Variants in FRMD6 observed in about 807,000 individuals in gnomAD.
FRMD6 encodes the protein FERM domain-containing protein 6.
FRMD6 carries 37 observed loss-of-function variants against 73.2 expected under a neutral mutation model. The observed-to-expected ratio is 0.51, with a 90% CI of 0.39 to 0.66. The LOEUF (loss-of-function observed/expected upper bound fraction) is 0.66. Among genes scored for constraint, FRMD6 ranks in the 30% least tolerant of loss-of-function variants. The probability of loss-of-function intolerance (pLI) is 0.00; values close to 1 mark genes in which losing one functional copy is unlikely to be tolerated. For missense variants in FRMD6, 714 were observed against 780.5 expected, an observed-to-expected ratio of 0.91 and a Z score of 1.02; for synonymous variants, 273 against 282.2, an observed-to-expected ratio of 0.97 and a Z score of 0.33.
chr14:51,606,719 C>A (rs555965830), intron 2 of FRMD6, among the ~76,000 whole-genome samples: 288 of 152,210 alleles, frequency 1.9e-3, no homozygotes, highest in African/African-American at 6.6e-3. Context: ...GGAATTGGCT[C>A]ATGCAAATGG....
intron 1 of FRMD6, among the ~76,000 whole-genome samples, chr14:51,671,901 T>G (rs577908340): frequency 6.6e-6 from 1 of 152,324 alleles, no homozygotes; most frequent in South Asian, 2.1e-4. Flanking sequence ...GGAATCTCAG[T>G]TAATTCAGCT....
At chr14:51,498,825 G>A (rs754498518) in intron 1 of FRMD6, among the ~76,000 whole-genome samples, 17 of 152,084 alleles carry the variant, frequency 1.1e-4, no homozygotes, top group Non-Finnish European at 2.2e-4. Flanking sequence ...GATGAGTTGG[G>A]GAATAATTAA....
intron 1 of FRMD6, among the ~76,000 whole-genome samples, chr14:51,555,938 T>C (rs1160154458): frequency 3.3e-5 from 5 of 152,228 alleles, no homozygotes; most frequent in Non-Finnish European, 7.3e-5. Flanking sequence ...TTTGGATGAT[T>C]TGTTCAAAAG....
chr14:51,509,539 A>T (rs1884172700), intron 1 of FRMD6, among the ~76,000 whole-genome samples: 1 of 151,762 alleles, frequency 6.6e-6, no homozygotes, highest in African/African-American at 2.4e-5. Flanking sequence ...AAAACAAAAC[A>T]AAACAAAACA....
At chr14:51,519,182 C>T (rs947439960) in intron 1 of FRMD6, among the ~76,000 whole-genome samples, 2 of 118,052 alleles carry the variant, frequency 1.7e-5, no homozygotes, top group Non-Finnish European at 3.3e-5. Flanking sequence ...CCCCTGCCAC[C>T]CCAACGGAGT....
At chr14:51,560,629 C>T (rs570536168) in intron 1 of FRMD6, among the ~76,000 whole-genome samples, 2 of 152,320 alleles carry the variant, frequency 1.3e-5, no homozygotes, top group African/African-American at 2.4e-5. Context: ...GGATTACAGG[C>T]ATGTGCCACC....
chr14:51,589,807 G>T (rs377587491), intron 2 of FRMD6, among the ~76,000 whole-genome samples: 2 of 152,140 alleles, frequency 1.3e-5, no homozygotes, highest in Non-Finnish European at 2.9e-5. Flanking sequence ...GGTGGCTCAC[G>T]CCTGTAATCC....
chr14:51,664,007 C>T (rs560892528), intron 1 of FRMD6, among the ~76,000 whole-genome samples: 33 of 152,214 alleles, frequency 2.2e-4, no homozygotes, highest in Non-Finnish European at 4.0e-4. Flanking sequence ...GCTATTGCAT[C>T]GGGGATTAAG....
At chr14:51,561,481 G>A (rs1404080304) in intron 1 of FRMD6, among the ~76,000 whole-genome samples, 1 of 152,206 alleles carries the variant, frequency 6.6e-6, no homozygotes, top group Non-Finnish European at 1.5e-5. Flanking sequence ...AGCAGCCGGG[G>A]AAGTATCTTC....
intron 1 of FRMD6, among the ~76,000 whole-genome samples, chr14:51,673,003 G>T (rs1273717597): frequency 1.3e-5 from 2 of 152,158 alleles, no homozygotes; most frequent in African/African-American, 4.8e-5. Context: ...TATTCACCAT[G>T]TAGGTAAGTT....
At chr14:51,682,156 A>G (rs1375345845) in intron 1 of FRMD6, among the ~76,000 whole-genome samples, 1 of 152,190 alleles carries the variant, frequency 6.6e-6, no homozygotes, top group African/African-American at 2.4e-5. Context: ...TTAGTGATTT[A>G]TTTTGAATTA....
intron 1 of FRMD6, among the ~76,000 whole-genome samples, chr14:51,534,533 T>C (rs1430436350): frequency 2.0e-5 from 3 of 152,248 alleles, no homozygotes; most frequent in Non-Finnish European, 1.5e-5. Context: ...ATCAGGTCTA[T>C]GTAAATATCA....
chr14:51,465,238 G>C, the FRMD6 span, among the ~76,000 whole-genome samples: 1 of 152,088 alleles, frequency 6.6e-6, no homozygotes, highest in Non-Finnish European at 1.5e-5. Flanking sequence ...TTCTGTTTGT[G>C]TTTAGTTTTA....
At chr14:51,620,815 G>A (rs1482993611) in intron 2 of FRMD6, among the ~76,000 whole-genome samples, 1 of 152,176 alleles carries the variant, frequency 6.6e-6, no homozygotes, top group East Asian at 1.9e-4. Flanking sequence ...GCTGCTATGG[G>A]CCAAGGTCCC....
At chr14:51,611,041 G>C (rs1051588662) in intron 2 of FRMD6, among the ~76,000 whole-genome samples, 2 of 152,142 alleles carry the variant, frequency 1.3e-5, no homozygotes, top group Non-Finnish European at 2.9e-5. Flanking sequence ...CAATTATTGA[G>C]AAGAAATCGA....
At chr14:51,434,955 G>T in the FRMD6 span, among the ~76,000 whole-genome samples, 1 of 152,120 alleles carries the variant, frequency 6.6e-6, no homozygotes, top group Non-Finnish European at 1.5e-5. Context: ...AAAATAACTG[G>T]CTAGTAGGCT....
chr14:51,459,986 C>CT, the FRMD6 span, among the ~76,000 whole-genome samples: 3 of 140,162 alleles, frequency 2.1e-5, no homozygotes, highest in African/African-American at 8.0e-5. Context: ...AAACGGTACT[C>CT]TTTATTTAAT....
At chr14:51,667,907 T>A (rs183521694) in intron 1 of FRMD6, among the ~76,000 whole-genome samples, 1 of 152,204 alleles carries the variant, frequency 6.6e-6, no homozygotes, top group Non-Finnish European at 1.5e-5. Context: ...TGGTTTGTAA[T>A]TGACTAAATT....
chr14:51,705,853 C>T (rs1436549446), intron 6 of FRMD6, among the ~76,000 whole-genome samples: 1 of 152,156 alleles, frequency 6.6e-6, no homozygotes, highest in African/African-American at 2.4e-5. Context: ...TTTATATTAA[C>T]ATATCCAGCA....
Sources: allele counts gnomAD v4.1 joint callset (sites outside exome capture counted in the v4.1 genomes callset), GRCh38; gene constraint gnomAD v4.1.1; transcripts MANE v1.5; gene names NCBI Gene and HGNC (gene_info 2026-07-23, HGNC 2026-07-21).